The following CHAT variants were observed in gnomAD, a reference collection of about 807,000 sequenced individuals.
CHAT encodes choline O-acetyltransferase.
In CHAT, 61 loss-of-function variants were observed where a neutral mutation model predicts 76.9. The observed-to-expected ratio is 0.79, with a 90% confidence interval of 0.65 to 0.98. CHAT has a LOEUF of 0.98. CHAT is among the 50% of genes least tolerant of loss of function. CHAT has a pLI of 0.00. For missense variants in CHAT, 946 were observed against 986.9 expected (o/e 0.96, Z 0.56); for synonymous variants, 407 against 397.4 (o/e 1.02, Z -0.29).
chr10:49,611,178 C>T (rs778219350), upstream of CHAT: 2 of 1,614,162 alleles, frequency 1.2e-6, no homozygotes, highest in Admixed American at 1.7e-5. Context: ...GGCCCTTCAT[C>T]GACCGCATGA....
At chr10:49,661,658 A>T (rs958679392) in intron 13 of CHAT, among the ~76,000 whole-genome samples, 2 of 152,180 alleles carry the variant, frequency 1.3e-5, no homozygotes, top group African/African-American at 4.8e-5. Context: ...TGAAACCCCA[A>T]GAGTTACTCA....
At chr10:49,651,335 A>G (rs1452362685) in intron 10 of CHAT, among the ~76,000 whole-genome samples, 1 of 151,194 alleles carries the variant, frequency 6.6e-6, no homozygotes, top group East Asian at 2.0e-4. Context: ...TGGAGTCCCG[A>G]CAGAAGGTGT....
upstream of CHAT, chr10:49,610,278 G>C (rs565532325): frequency 5.8e-3 from 901 of 156,042 alleles, 7 homozygotes; most frequent in African/African-American, 0.021. Context: ...CCGAGTGGAA[G>C]GGAAAAAAAA....
At chr10:49,611,297 G>C (rs1057517665), upstream of CHAT, 1 of 1,608,502 alleles carries the variant, frequency 6.2e-7, no homozygotes, top group South Asian at 1.1e-5. Context: ...AGCCTGCAGG[G>C]CCTGGGCTCA....
At chr10:49,610,808 C>G, upstream of CHAT, 1 of 1,595,442 alleles carries the variant, frequency 6.3e-7, no homozygotes, top group Non-Finnish European at 8.5e-7. Context: ...GCTGTGGGCG[C>G]GGCGCTGCAG....
Position 49,616,516 on chromosome 10 carries a change from A to G in CHAT, c.301A>G (p.Ile101Val). 5.6e-6 allele frequency: 9 copies of G among 1,612,510 alleles called. No individual in the cohort carries two copies. The highest frequency in any genetic ancestry group is 7.6e-6 in the Non-Finnish European group (9 of 1,179,230). Residue 101 changes from isoleucine (I) to valine (V), a missense_variant, in exon 2 of 15, where the codon ATC (isoleucine) becomes GTC (valine). Around this residue, in one of 3 missense-constraint regions of CHAT, gnomAD observed 548 missense variants for 516.2 expected, o/e 1.06. Transcript: ENST00000337653. ...TTGGTCCCCAGGTCCACACCTCTGC[A>G]TCCCTGCACCAGGACTCACCAAGAC... ...EPRRAGPHLCIPAPGLTKTPI... is the reference protein window; with the variant it reads ...EPRRAGPHLCVPAPGLTKTPI...
intron 7 of CHAT, among the ~76,000 whole-genome samples, chr10:49,636,501 A>G (rs1158997403): frequency 1.3e-5 from 2 of 152,012 alleles, no homozygotes; most frequent in Non-Finnish European, 2.9e-5. Context: ...TACTGTATTT[A>G]TCTTCTTTTG....
intron 7 of CHAT, among the ~76,000 whole-genome samples, chr10:49,639,088 AGCCTGGCGT>A (rs1210762703): frequency 6.6e-6 from 1 of 152,062 alleles, no homozygotes; most frequent in Non-Finnish European, 1.5e-5. Flanking sequence ...TACAAAAATT[AGCCTGGCGT>A]GGTGGCAGGC....
chr10:49,637,073 A>T (rs1839319318), intron 7 of CHAT, among the ~76,000 whole-genome samples: 2 of 146,628 alleles, frequency 1.4e-5, no homozygotes, highest in Admixed American at 6.8e-5. Flanking sequence ...TATGAATTTG[A>T]TTGATCTTTT....
chr10:49,626,549 A>G (rs1415172483), intron 6 of CHAT, among the ~76,000 whole-genome samples: 1 of 152,072 alleles, frequency 6.6e-6, no homozygotes, highest in East Asian at 1.9e-4. Flanking sequence ...CTAGATTTGA[A>G]GGCCATCTAG....
Position 49,646,765 on chromosome 10 carries a change from G to A in CHAT, c.1281+91G>A, listed in dbSNP as rs147591114. 634 of 1,422,192 alleles carry A rather than the reference G, an allele frequency of 4.5e-4. 7 individuals carry two copies. In the East Asian group the frequency reaches 0.012, roughly 28 times the overall value. The allele number at this position is 1,422,192 out of a possible 1,614,324, so 88.1% of individuals were successfully genotyped here. On this transcript the variant is annotated intron_variant, in intron 8 of 14. Coordinates refer to ENST00000337653, the MANE Select transcript of CHAT (RefSeq NM_020549.5). The stretch of plus-strand genomic sequence containing the variant: ...CGGGCACAGCCTGGTGCCCAGGCCC[G>A]CACGTGCTTGTGTCTGGCAGGCGCA...
chr10:49,658,612 G>A (rs919841755), intron 13 of CHAT, among the ~76,000 whole-genome samples: 3 of 152,238 alleles, frequency 2.0e-5, no homozygotes, highest in African/African-American at 7.2e-5. Context: ...GGGAGGCTGA[G>A]GCAGGAGAAT....
rs542034078 is a variant in CHAT, at chr10:49,667,486, G to A, written c.*2440G>A. 6.6e-6 allele frequency among the ~76,000 whole-genome samples: 1 copy of A among 152,244 alleles called. No homozygotes were observed. The highest frequency in any genetic ancestry group is 1.9e-4 in the East Asian group (1 of 5,198). On this transcript the variant is annotated 3_prime_UTR_variant, in exon 15 of 15. Transcript: ENST00000337653. ...AGCGCAAACAGTAAACGCTTGGCAG[G>A]AGGGAACACTTCCTCTCTCTGAGGA...
At chr10:49,646,379 G>C in intron 7 of CHAT, 126 bp from the exon 8 acceptor site, 1 of 1,227,898 alleles carries the variant, frequency 8.1e-7, no homozygotes, top group Non-Finnish European at 1.2e-6. Flanking sequence ...GGTCAGGGCT[G>C]GCTCAAGACC....
intron 7 of CHAT, among the ~76,000 whole-genome samples, chr10:49,642,976 T>C (rs568131327): frequency 1.3e-5 from 2 of 152,320 alleles, no homozygotes; most frequent in Admixed American, 6.5e-5. Flanking sequence ...TGGGCATTCA[T>C]AGCCCTTGTT....
At chr10:49,616,068 A>G in intron 1 of CHAT, 2 of 1,613,928 alleles carry the variant, frequency 1.2e-6, no homozygotes, top group Non-Finnish European at 1.7e-6. Context: ...GCCGGAATGC[A>G]GAGATGAAGC....
chr10:49,640,177 T>C (rs1251985805), intron 7 of CHAT, among the ~76,000 whole-genome samples: 1 of 152,090 alleles, frequency 6.6e-6, no homozygotes, highest in Non-Finnish European at 1.5e-5. Flanking sequence ...TAATTTTATT[T>C]ATTTATTTAT....
chr10:49,667,460 AAGCGCAAAC>A lies in CHAT; in HGVS notation c.*2417_*2425del, dbSNP rs1313119766. 6.6e-6 allele frequency among the ~76,000 whole-genome samples: 1 copy of A among 152,216 alleles called. No individual in the cohort carries two copies. The highest frequency in any genetic ancestry group is 1.9e-4 in the East Asian group (1 of 5,202). Reference sequence around the variant, plus strand: ...AACTATGCACTGTGAGGGCTATGAGAAGCGCAAACAGTAAACGCTTGGCAGGAGGGAACA... The same window carrying A: ...AACTATGCACTGTGAGGGCTATGAGAAGTAAACGCTTGGCAGGAGGGAACA... On this transcript the variant is annotated 3_prime_UTR_variant, in exon 15 of 15. Coordinates refer to ENST00000337653, the MANE Select transcript of CHAT (RefSeq NM_020549.5).
intron 7 of CHAT, among the ~76,000 whole-genome samples, chr10:49,630,299 G>A (rs576319884): frequency 2.0e-5 from 3 of 152,238 alleles, no homozygotes; most frequent in African/African-American, 7.2e-5. Context: ...AGAAAGAGTA[G>A]CCCATGAAGT....
Sources: allele counts gnomAD v4.1 joint callset (sites outside exome capture counted in the v4.1 genomes callset), GRCh38; gene constraint gnomAD v4.1.1; regional missense constraint gnomAD v4.1.1; transcripts MANE v1.5; gene names NCBI Gene and HGNC (gene_info 2026-07-23, HGNC 2026-07-21).